CFAP46: variants seen among roughly 807,000 people sequenced by gnomAD.
The protein encoded by CFAP46 is cilia and flagella associated protein 46, also known as cilia- and flagella-associated protein 46.
Under a neutral mutation model 325.7 loss-of-function variants are expected in CFAP46, and 245 were observed. The observed-to-expected ratio is 0.75, with a 90% CI of 0.68 to 0.84. The LOEUF (loss-of-function observed/expected upper bound fraction) is 0.84. Among genes scored for constraint, CFAP46 ranks in the 40% least tolerant of loss-of-function variants. The pLI, the probability that CFAP46 is intolerant of heterozygous loss-of-function variation, is 0.00. For synonymous variants in CFAP46, 1,523 were observed against 1,495.9 expected (o/e 1.02, Z -0.42); for missense variants, 3,346 against 3,543.0 (o/e 0.94, Z 1.41).
intron 9 of CFAP46, chr10:132,929,164 C>T (rs1340635321): frequency 1.4e-5 from 4 of 294,518 alleles, no homozygotes; most frequent in South Asian, 7.8e-5. Context: ...GAAATCCCTA[C>T]GATAAACTTC....
rs1364567630 is a variant in CFAP46 at position 132,846,078 on chromosome 10, C to G, written c.6417G>C (p.Gln2139His). ...TTACCTTGGACACGGCGGCCAGCCTCTGCTCCACACGGGCGCCCAGGCTGG... is the reference window on the plus strand; with the variant it reads ...TTACCTTGGACACGGCGGCCAGCCTGTGCTCCACACGGGCGCCCAGGCTGG... ...TTTSLGARVE[Q>H]RLAAVSKAWQ... The change falls in exon 44 of 58, where the codon CAG becomes CAC. Residue 2139 changes from glutamine (Q) to histidine (H), a missense_variant. Transcript: ENST00000368586. 6.3e-7 allele frequency: 1 copy of G among 1,593,132 alleles called. No individual in the cohort carries two copies. Among genetic ancestry groups the G allele is most frequent in the Non-Finnish European group, 8.5e-7 (1 of 1,175,308 alleles).
At chr10:132,937,498 A>G (rs565567673) in intron 6 of CFAP46, 54 bp downstream of exon 6, 3 of 1,607,318 alleles carry the variant, frequency 1.9e-6, no homozygotes, top group Admixed American at 3.3e-5. Flanking sequence ...TTTCTGAACA[A>G]TGACTTTTAA....
intron 4 of CFAP46, among the ~76,000 whole-genome samples, chr10:132,938,992 G>A (rs1478151423): frequency 3.3e-5 from 5 of 152,180 alleles, no homozygotes; most frequent in East Asian, 1.9e-4. Flanking sequence ...TGGCTCCAGC[G>A]CAGGCCCGGC....
rs1008789278 is a variant in CFAP46 at position 132,886,628 on chromosome 10, C to A, written c.3305-669G>T. Among the ~76,000 whole-genome samples the A allele has an allele frequency of 6.6e-6, 1 of 152,136 alleles. No homozygotes were observed. The highest frequency in any genetic ancestry group is 1.5e-5 in the Non-Finnish European group (1 of 68,012). On this transcript the variant is annotated intron_variant, in intron 25 of 57. Transcript: ENST00000368586. This position sits in a 1 kb window ranked among gnomAD's most constrained non-coding sequence, Gnocchi z 5.8. Reference sequence around the variant, plus strand: ...GCGAGCTGCAGATGAACTTGAAGGGCCCTGAAGAGACGGGGTGAACACAGG... The same window carrying A: ...GCGAGCTGCAGATGAACTTGAAGGGACCTGAAGAGACGGGGTGAACACAGG...
chr10:132,869,408 C>A lies in CFAP46; in HGVS notation c.4512-36G>T. ...TGTGGCCGAAAGAGTCAGTGTTGCA[C>A]GGGCGCAGAGGGAGCCAGAAACGAA... On this transcript the variant is annotated intron_variant, in intron 32 of 57. Coordinates refer to ENST00000368586, the MANE Select transcript of CFAP46 (RefSeq NM_001200049.3). This position sits in a 1 kb window ranked among gnomAD's most constrained non-coding sequence, Gnocchi z 6.2. 5 of 1,474,032 alleles carry A rather than the reference C, an allele frequency of 3.4e-6. No individual in the cohort carries two copies. The highest frequency in any genetic ancestry group is 4.5e-6 in the Non-Finnish European group (5 of 1,100,998). 91.3% of individuals were successfully genotyped at this position (1,474,032 alleles called of 1,614,324 possible). A position where few individuals can be genotyped will look rare whatever the true frequency, so the allele number is the denominator to read the frequency against.
Position 132,855,277 on chromosome 10 carries a change from G to A in CFAP46, c.5574+2313C>T, listed in dbSNP as rs1009016065. On this transcript the variant is annotated intron_variant, in intron 39 of 57. Coordinates refer to ENST00000368586, the MANE Select transcript of CFAP46 (RefSeq NM_001200049.3). ...TTGAGCCGTTTGCACTATAAAATGAGTTTGTTTATCCTTGGTAATATTCTT... is the reference window on the plus strand; with the variant it reads ...TTGAGCCGTTTGCACTATAAAATGAATTTGTTTATCCTTGGTAATATTCTT... Among the ~76,000 whole-genome samples the A allele has an allele frequency of 9.8e-5, 15 of 152,310 alleles. No individual in the cohort carries two copies. The East Asian group carries it at 2.7e-3, about 27-fold the overall frequency.
At position 132,886,571 on chromosome 10, in the gene CFAP46, G is replaced by A. The variant is rs1333334031; in HGVS notation, c.3305-612C>T. 2.0e-5 allele frequency among the ~76,000 whole-genome samples: 3 copies of A among 152,316 alleles called. No homozygotes were observed. In the East Asian group the frequency reaches 5.8e-4, roughly 29 times the overall value. On this transcript the variant is annotated intron_variant, in intron 25 of 57. Coordinates refer to ENST00000368586, the MANE Select transcript of CFAP46 (RefSeq NM_001200049.3). The surrounding 1 kb of genome is among the most constrained non-coding windows in gnomAD (Gnocchi z 5.8). Reference sequence around the variant, plus strand: ...CCAAATGCACGAAGCCAGCAGGGTGGATCCTGGTGGGATGGAACCCTCAGT... The same window carrying A: ...CCAAATGCACGAAGCCAGCAGGGTGAATCCTGGTGGGATGGAACCCTCAGT...
rs1849781588 is a variant in CFAP46, at chr10:132,924,770, C to G, written c.1182G>C (p.Leu394=). 1 of 1,532,550 alleles carries G rather than the reference C, an allele frequency of 6.5e-7. No individual in the cohort carries two copies. The highest frequency in any genetic ancestry group is 8.8e-7 in the Non-Finnish European group (1 of 1,139,532). The allele number at this position is 1,532,550 out of a possible 1,614,324, so 94.9% of individuals were successfully genotyped here. The change falls in exon 11 of 58, where the codon CTG becomes CTC. Residue 394 remains leucine (L), a synonymous_variant. Coordinates refer to ENST00000368586, the MANE Select transcript of CFAP46 (RefSeq NM_001200049.3). ...CATQWNTCLP[L]LQHNLRHHLR... Reference sequence around the variant, plus strand: ...GGTGGTGCCGCAGGTTGTGCTGCAGCAGGGGCAGGCAGGTGTTCCACTGCG... The same window carrying G: ...GGTGGTGCCGCAGGTTGTGCTGCAGGAGGGGCAGGCAGGTGTTCCACTGCG...
intron 31 of CFAP46, among the ~76,000 whole-genome samples, chr10:132,875,337 A>G (rs1848944008): frequency 6.6e-6 from 1 of 152,254 alleles, no homozygotes; most frequent in Non-Finnish European, 1.5e-5. Context: ...TACAGATTCA[A>G]TGCAATGTCA....
At chr10:132,810,813 A>T (rs913131394) in intron 56 of CFAP46, 137 bp downstream of exon 56, 12 of 827,712 alleles carry the variant, frequency 1.4e-5, no homozygotes, top group Non-Finnish European at 2.4e-5. Context: ...AACTGCTGGA[A>T]CGCATGTGCA....
intron 9 of CFAP46, among the ~76,000 whole-genome samples, chr10:132,928,141 A>G (rs1464022929): frequency 1.3e-5 from 2 of 152,098 alleles, no homozygotes; most frequent in African/African-American, 4.8e-5. Flanking sequence ...TGGGATACAC[A>G]AAACATTGCT....
chr10:132,941,180 T>TG, intron 3 of CFAP46, 120 bp from the exon 4 acceptor site: 1 of 961,236 alleles, frequency 1.0e-6, no homozygotes, highest in South Asian at 1.4e-5. Flanking sequence ...CACCTGTGTA[T>TG]CCACAGGTGA....
chr10:132,854,759 C>T (rs569656067), intron 39 of CFAP46, among the ~76,000 whole-genome samples: 10 of 152,110 alleles, frequency 6.6e-5, no homozygotes, highest in Non-Finnish European at 7.3e-5. Context: ...TCTAATTCCA[C>T]GACATTTTCA....
In CFAP46 at chr10:132,828,001, G is replaced by A. The variant is rs1020825134; in HGVS notation, c.7117+5357C>T. On this transcript the variant is annotated intron_variant, in intron 50 of 57. Coordinates refer to ENST00000368586, the MANE Select transcript of CFAP46 (RefSeq NM_001200049.3). This position sits in a 1 kb window ranked among gnomAD's most constrained non-coding sequence, Gnocchi z 4.9. ...CGTAATCCTTCTGAGCCCCGTCTACGCTGTCCCACGCACCAACAGCTCGCC... is the reference window on the plus strand; with the variant it reads ...CGTAATCCTTCTGAGCCCCGTCTACACTGTCCCACGCACCAACAGCTCGCC... Among the ~76,000 whole-genome samples the A allele has an allele frequency of 2.6e-5, 4 of 151,098 alleles. No homozygotes were observed. Among genetic ancestry groups the A allele is most frequent in the African/African-American group, 9.9e-5 (4 of 40,552 alleles).
Position 132,810,435 on chromosome 10 carries a change from A to G in CFAP46, c.7638T>C (p.Asp2546=), listed in dbSNP as rs917276225. The change falls in exon 57 of 58, where the codon GAT becomes GAC. Residue 2546 remains aspartate (D), a synonymous_variant. Coordinates refer to ENST00000368586, the MANE Select transcript of CFAP46 (RefSeq NM_001200049.3). The stretch of plus-strand genomic sequence containing the variant: ...TTGGTTCACCGCCTCGTCGCCACTC[A>G]TCTTCTGAAGGAGACGCACTGTTTC... ...NWRNSASPSE[D]EWRRGGEPRR... 4.3e-6 allele frequency: 7 copies of G among 1,613,518 alleles called. No homozygotes were observed. The highest frequency in any genetic ancestry group is 5.9e-6 in the Non-Finnish European group (7 of 1,179,968).
chr10:132,899,655 C>CG lies in CFAP46; in HGVS notation c.2935dup (p.Arg979ProfsTer126). 6.5e-7 allele frequency: 1 copy of CG among 1,549,262 alleles called. No individual in the cohort carries two copies. Among genetic ancestry groups the CG allele is most frequent in the Non-Finnish European group, 8.7e-7 (1 of 1,146,354 alleles). The stretch of plus-strand genomic sequence containing the variant: ...TGTGCACAGCATCTCTGCCACCAGC[C>CG]GGGACTCCTCGCTGCAGGAACAGGG... On this transcript the variant is annotated frameshift_variant, in exon 23 of 58. Transcript: ENST00000368586. LOFTEE classifies it high-confidence loss of function.
In CFAP46 at chr10:132,850,309, G is replaced by T; in HGVS notation, c.5887C>A (p.Leu1963Met). The part of the protein sequence containing the change: ...ARLLGLAGRA[L>M]HLLAMQADPV... Reference sequence around the variant, plus strand: ...TCAGCTTGCATGGCCAGCAGGTGCAGGGCCCTCCCGGCCAGGCCCAGGAGC... The same window carrying T: ...TCAGCTTGCATGGCCAGCAGGTGCATGGCCCTCCCGGCCAGGCCCAGGAGC... Residue 1963 changes from leucine (L) to methionine (M), a missense_variant, in exon 41 of 58, where the codon CTG becomes ATG. Physicochemically the swap from Leu to Met is conservative, Grantham distance 15. Transcript: ENST00000368586. 1 of 1,551,324 alleles carries T rather than the reference G, an allele frequency of 6.4e-7. No homozygotes were observed. Among genetic ancestry groups the T allele is most frequent in the East Asian group, 2.4e-5 (1 of 41,014 alleles).
chr10:132,832,401 A>T lies in CFAP46; in HGVS notation c.7117+957T>A, dbSNP rs1330507946. ...TGGGCTCTTCCTGCCCCCCCCCCCC[A>T]ATGCTGTGGCCTGGAAATTCCCCAG... On this transcript the variant is annotated intron_variant, in intron 50 of 57. Coordinates refer to ENST00000368586, the MANE Select transcript of CFAP46 (RefSeq NM_001200049.3). The surrounding 1 kb of genome is among the most constrained non-coding windows in gnomAD (Gnocchi z 4.1). Among the ~76,000 whole-genome samples, 1 of 60,804 alleles carries T rather than the reference A, an allele frequency of 1.6e-5. No homozygotes were observed. Among genetic ancestry groups the T allele is most frequent in the Non-Finnish European group, 3.1e-5 (1 of 32,780 alleles). 39.9% of individuals were successfully genotyped at this position (60,804 alleles called of 152,430 possible). A position where few individuals can be genotyped will look rare whatever the true frequency, so the allele number is the denominator to read the frequency against.
chr10:132,904,220 G>C (rs1323762205), intron 22 of CFAP46, among the ~76,000 whole-genome samples: 1 of 152,256 alleles, frequency 6.6e-6, no homozygotes, highest in Non-Finnish European at 1.5e-5. Flanking sequence ...GGTCCTGCTG[G>C]ACTGGGGAAG....
Sources: allele counts gnomAD v4.1 joint callset (sites outside exome capture counted in the v4.1 genomes callset), GRCh38; gene constraint gnomAD v4.1.1; non-coding constraint Gnocchi (gnomAD v3.1); transcripts MANE v1.5; gene names NCBI Gene and HGNC (gene_info 2026-07-23, HGNC 2026-07-21).